Variants in EGFL6 observed in about 807,000 individuals in gnomAD.
The protein encoded by EGFL6 is EGF like domain multiple 6, also known as epidermal growth factor-like protein 6.
In EGFL6, 42 loss-of-function variants were observed where a neutral mutation model predicts 43.1. That is an observed-to-expected ratio of 0.98 (90% confidence interval 0.76 to 1.26). The LOEUF (loss-of-function observed/expected upper bound fraction) is 1.26. EGFL6 is among the 50% of genes most tolerant of loss of function. The pLI, the probability that EGFL6 is intolerant of heterozygous loss-of-function variation, is 0.00. For missense variants in EGFL6, 429 were observed against 427.8 expected, an observed-to-expected ratio of 1.00 and a Z score of -0.02; for synonymous variants, 164 against 163.2, an observed-to-expected ratio of 1.01 and a Z score of -0.04.
chrX:13,598,727 C>T (rs894122548), intron 3 of EGFL6, among the ~76,000 whole-genome samples: 2 of 107,543 alleles, frequency 1.9e-5, no homozygotes, highest in African/African-American at 6.7e-5. Context: ...TTGGAATGAT[C>T]TGTACACAGA....
chrX:13,583,246 T>A (rs1044313788), intron 1 of EGFL6, among the ~76,000 whole-genome samples: 1 of 110,958 alleles, frequency 9.0e-6, no homozygotes, highest in Non-Finnish European at 1.9e-5. Context: ...TGGCACAGGC[T>A]ATTTTTTCTG....
At chrX:13,622,703 G>A (rs372755355) in intron 9 of EGFL6, among the ~76,000 whole-genome samples, 106 of 112,308 alleles carry the variant, frequency 9.4e-4, no homozygotes, top group African/African-American at 3.2e-3. Context: ...ATTCAACTCC[G>A]TCATTGTAGC....
intron 11 of EGFL6, among the ~76,000 whole-genome samples, chrX:13,632,307 T>TG: frequency 1.0e-5 from 1 of 96,555 alleles, no homozygotes; most frequent in African/African-American, 3.8e-5. Flanking sequence ...GTTTTTTTTT[T>TG]TTTTTTTTTT....
At chrX:13,616,133 A>G (rs927996015) in intron 7 of EGFL6, among the ~76,000 whole-genome samples, 1 of 112,077 alleles carries the variant, frequency 8.9e-6, no homozygotes, top group African/African-American at 3.2e-5. Flanking sequence ...AGTGTATTTA[A>G]TTTTTTAAAA....
chrX:13,620,486 A>G (rs2045743447), intron 9 of EGFL6, among the ~76,000 whole-genome samples: 1 of 110,181 alleles, frequency 9.1e-6, no homozygotes, highest in South Asian at 4.0e-4. Context: ...GCCCAGTTCT[A>G]TCACTTTGGT....
Position 13,617,796 on chromosome X carries a change from A to C in EGFL6, c.845A>C (p.Lys282Thr), listed in dbSNP as rs2045726737. The change falls in exon 8 of 12, where the codon AAG becomes ACG. Residue 282 changes from lysine (K) to threonine (T), a missense_variant. Lys to Thr is a moderately conservative substitution (Grantham distance 78). Coordinates refer to ENST00000361306, the MANE Select transcript of EGFL6 (RefSeq NM_015507.4). ...APGTIKDRIK[K>T]LLAHKNSMKK... ...GGTACCATCAAAGACAGAATCAAGA[A>C]GTTGCTTGCTCACAAAAACAGCATG... The C allele has an allele frequency of 4.1e-6, 5 of 1,210,078 alleles. No individual in the cohort carries two copies. Among genetic ancestry groups the C allele is most frequent in the Non-Finnish European group, 5.6e-6 (5 of 895,279 alleles).
chrX:13,595,060 G>T, intron 3 of EGFL6, 132 bp downstream of exon 3: 2 of 387,335 alleles, frequency 5.2e-6, no homozygotes, highest in Non-Finnish European at 4.3e-6. Context: ...TTCAGGACAA[G>T]TTTTTCAATC....
Position 13,612,324 on chromosome X carries a change from A to G in EGFL6, c.778+3878A>G, listed in dbSNP as rs763980231. Among the ~76,000 whole-genome samples the G allele has an allele frequency of 1.4e-4, 15 of 107,497 alleles. No homozygotes were observed. In the East Asian group the frequency reaches 4.0e-3, roughly 29 times the overall value. 93.3% of individuals were successfully genotyped at this position (107,497 alleles called of 115,157 possible). On this transcript the variant is annotated intron_variant, in intron 7 of 11. Coordinates refer to ENST00000361306, the MANE Select transcript of EGFL6 (RefSeq NM_015507.4). ...ACCGCCCTTAATCCATTTAACCCTT[A>G]GTGGACACAGCACATGTTTCAGAGA...
At chrX:13,578,371 C>T (rs1000820492) in intron 1 of EGFL6, among the ~76,000 whole-genome samples, 3 of 107,149 alleles carry the variant, frequency 2.8e-5, no homozygotes, top group Admixed American at 2.0e-4. Flanking sequence ...GTCAGTGTGG[C>T]GATTCCTCAG....
Position 13,606,523 on chromosome X carries a change from G to A in EGFL6, c.655+10G>A, listed in dbSNP as rs2146697915. ...CGATATGACTGTATAGGTAAGATTC[G>A]ATGGCACCTTTTCCTTTTTTTCCTG... On this transcript the variant is annotated intron_variant, in intron 6 of 11. Transcript: ENST00000361306. The A allele has an allele frequency of 1.7e-6, 2 of 1,205,922 alleles. No individual in the cohort carries two copies. The highest frequency in any genetic ancestry group is 2.2e-5 in the Admixed American group (1 of 45,655).
chrX:13,623,377 GTTTTT>G (rs774112791), intron 9 of EGFL6, among the ~76,000 whole-genome samples: 2 of 40,371 alleles, frequency 5.0e-5, no homozygotes, highest in Admixed American at 3.2e-4. Context: ...TTTATTTTGG[GTTTTT>G]TTTTTTTTTT....
At chrX:13,589,700 G>T (rs772711755) in intron 2 of EGFL6, 32 bp downstream of exon 2, 1 of 1,130,616 alleles carries the variant, frequency 8.8e-7, no homozygotes, top group Non-Finnish European at 1.2e-6. Flanking sequence ...CCCTGCACTT[G>T]GATCAGGGCC....
chrX:13,598,581 T>TTGTTGTTGC (rs1026370945), intron 3 of EGFL6, among the ~76,000 whole-genome samples: 5 of 109,307 alleles, frequency 4.6e-5, no homozygotes, highest in African/African-American at 1.7e-4. Context: ...GTTGTTGTTG[T>TTGTTGTTGC]TGTTGTTGTT....
chrX:13,576,387 G>A (rs918623985), intron 1 of EGFL6, among the ~76,000 whole-genome samples: 9 of 111,741 alleles, frequency 8.1e-5, no homozygotes, highest in Admixed American at 6.6e-4. Context: ...CCACCCTCAC[G>A]ATCCAGTCAC....
chrX:13,618,593 C>T (rs186788372), intron 8 of EGFL6, among the ~76,000 whole-genome samples: 2 of 112,160 alleles, frequency 1.8e-5, no homozygotes, highest in East Asian at 5.6e-4. Flanking sequence ...ACTGCCGTAA[C>T]TCCCTTTTCA....
At chrX:13,630,079 G>A (rs1157083509) in intron 11 of EGFL6, among the ~76,000 whole-genome samples, 1 of 111,607 alleles carries the variant, frequency 9.0e-6, no homozygotes, top group Admixed American at 9.5e-5. Context: ...CCAGGGAGAT[G>A]CAGTGGTACA....
intron 1 of EGFL6, among the ~76,000 whole-genome samples, chrX:13,584,100 CT>C (rs886087977): frequency 8.9e-6 from 1 of 112,121 alleles, no homozygotes; most frequent in African/African-American, 3.2e-5. Flanking sequence ...AAGGTAAATA[CT>C]GTTGTTTTCC....
intron 7 of EGFL6, among the ~76,000 whole-genome samples, chrX:13,616,481 G>A (rs1274937284): frequency 3.6e-5 from 4 of 110,294 alleles, no homozygotes; most frequent in East Asian, 2.9e-4. Flanking sequence ...GTGGTGGCAC[G>A]CACCTGTGAT....
intron 10 of EGFL6, 53 bp downstream of exon 10, chrX:13,623,978 C>T: frequency 1.0e-6 from 1 of 981,016 alleles, no homozygotes; most frequent in Non-Finnish European, 1.4e-6. Context: ...GGATAGAAAG[C>T]CCTCCATGAG....
Sources: allele counts gnomAD v4.1 joint callset (sites outside exome capture counted in the v4.1 genomes callset), GRCh38; gene constraint gnomAD v4.1.1; transcripts MANE v1.5; gene names NCBI Gene and HGNC (gene_info 2026-07-23, HGNC 2026-07-21).